The following KLHL29 variants were observed in gnomAD, a reference collection of about 807,000 sequenced individuals.
The protein encoded by KLHL29 is kelch-like protein 29.
Under a neutral mutation model 80.4 loss-of-function variants are expected in KLHL29, and 21 were observed. The observed-to-expected ratio is 0.26, with a 90% CI of 0.19 to 0.38. The LOEUF (loss-of-function observed/expected upper bound fraction) is 0.38. KLHL29 is among the 10% of genes least tolerant of loss of function. The pLI is 1.00. For synonymous variants in KLHL29, 511 were observed against 526.8 expected (o/e 0.97, Z 0.41); for missense variants, 867 against 1,223.9 (o/e 0.71, Z 4.35).
chr2:23,517,619 T>C (rs1665978224), intron 2 of KLHL29, among the ~76,000 whole-genome samples: 2 of 6,352 alleles, frequency 3.1e-4, no homozygotes, highest in African/African-American at 3.8e-3. Context: ...TCCCATCTTT[T>C]TAACATGTGC....
chr2:23,648,830 T>C (rs1670009298), intron 5 of KLHL29, among the ~76,000 whole-genome samples: 1 of 152,154 alleles, frequency 6.6e-6, no homozygotes, highest in Admixed American at 6.5e-5. Flanking sequence ...AGAGCCCAGA[T>C]TCTGCAGCAG....
At position 23,708,153 on chromosome 2, in the gene KLHL29, A is replaced by G. The variant is rs1672839915; in HGVS notation, c.*1489A>G. The G allele has an allele frequency of 6.6e-6, 1 of 152,236 alleles. No homozygotes were observed. The highest frequency in any genetic ancestry group is 2.1e-4 in the South Asian group (1 of 4,834). The allele number at this position is 152,236 out of a possible 1,614,324, so 9.4% of individuals were successfully genotyped here. A position where few individuals can be genotyped will look rare whatever the true frequency, so the allele number is the denominator to read the frequency against. On this transcript the variant is annotated 3_prime_UTR_variant, in exon 14 of 14. Transcript: ENST00000486442. ...ATCGTTCAGTATTTGATGACACAAA[A>G]TTCCAGTTCTAACGTTGGGCATCAA...
intron 1 of KLHL29, among the ~76,000 whole-genome samples, chr2:23,474,091 C>A (rs774631130): frequency 3.4e-4 from 51 of 152,156 alleles, no homozygotes; most frequent in Non-Finnish European, 5.7e-4. Context: ...ATACTACCTT[C>A]CAAAATATGA....
At chr2:23,690,291 A>G (rs1671503264) in intron 6 of KLHL29, 6 of 152,186 alleles carry the variant, frequency 3.9e-5, no homozygotes, top group Admixed American at 3.9e-4. Flanking sequence ...ATCTAGTTCC[A>G]TCCTCTTATT....
intron 1 of KLHL29, among the ~76,000 whole-genome samples, chr2:23,450,707 A>G (rs1572328426): frequency 6.6e-6 from 1 of 152,318 alleles, no homozygotes; most frequent in East Asian, 1.9e-4. Flanking sequence ...ATGTGTTTTA[A>G]CTAAGTTAAT....
intron 5 of KLHL29, among the ~76,000 whole-genome samples, chr2:23,676,640 A>G (rs1323065318): frequency 6.6e-6 from 1 of 152,202 alleles, no homozygotes; most frequent in African/African-American, 2.4e-5. Flanking sequence ...AATAATAACA[A>G]TAATAGGGTG....
At chr2:23,703,619 G>A in intron 12 of KLHL29, 100 bp from the exon 13 acceptor site, 1 of 1,376,354 alleles carries the variant, frequency 7.3e-7, no homozygotes, top group African/African-American at 1.5e-5. Flanking sequence ...CTTGTTGGAA[G>A]TCTTTCGAGC....
chr2:23,688,121 C>G (rs1671358147), intron 6 of KLHL29, among the ~76,000 whole-genome samples: 1 of 152,150 alleles, frequency 6.6e-6, no homozygotes, highest in Non-Finnish European at 1.5e-5. Flanking sequence ...TAACGAGACT[C>G]CCATGTCTCA....
intron 2 of KLHL29, among the ~76,000 whole-genome samples, chr2:23,519,330 T>TC (rs1205206882): frequency 9.7e-6 from 1 of 103,478 alleles, no homozygotes; most frequent in Non-Finnish European, 2.0e-5. Context: ...CGTCCTCCCC[T>TC]CCCCCCCAGG....
rs144240912 is a variant in KLHL29 at position 23,669,682 on chromosome 2, T to A, written c.941-14717T>A. 0.03 allele frequency among the ~76,000 whole-genome samples: 4,530 copies of A among 152,164 alleles called. 78 individuals carry two copies. Among genetic ancestry groups the A allele is most frequent in the South Asian group, 0.066 (318 of 4,824 alleles). On this transcript the variant is annotated intron_variant, in intron 5 of 13. Transcript: ENST00000486442. This position sits in a 1 kb window ranked among gnomAD's most constrained non-coding sequence, Gnocchi z 4.3. ...TGTTCACGTAGGGGATGGTCCCCCCTCTGTGTGGCTGCCCTGCCACCCCCA... is the reference window on the plus strand; with the variant it reads ...TGTTCACGTAGGGGATGGTCCCCCCACTGTGTGGCTGCCCTGCCACCCCCA...
intron 5 of KLHL29, among the ~76,000 whole-genome samples, chr2:23,660,250 A>T (rs4665626): frequency 0.8 from 121,281 of 152,196 alleles, 51,573 homozygotes; most frequent in East Asian, 0.99. Flanking sequence ...GAAAGACAGT[A>T]TGCTGACATC....
chr2:23,598,916 G>A (rs538361020), intron 3 of KLHL29, among the ~76,000 whole-genome samples: 1 of 152,382 alleles, frequency 6.6e-6, no homozygotes, highest in Admixed American at 6.5e-5. Context: ...TGGGGGTAGA[G>A]CAGTGTGGGC....
rs560010510 is a variant in KLHL29 at position 23,524,316 on chromosome 2, C to T, written c.-45-37836C>T. Reference sequence around the variant, plus strand: ...ACAGAAGCACAGGCGCCTGCTGGGCCGGCCTTGGCTCGGAGGGGCTCAGGA... The same window carrying T: ...ACAGAAGCACAGGCGCCTGCTGGGCTGGCCTTGGCTCGGAGGGGCTCAGGA... On this transcript the variant is annotated intron_variant, in intron 2 of 13. Transcript: ENST00000486442. 604 of 197,042 alleles carry T rather than the reference C, an allele frequency of 3.1e-3. 1 individual carries two copies. The highest frequency in any genetic ancestry group is 5.7e-3 in the Admixed American group (109 of 18,970). 12.2% of individuals were successfully genotyped at this position (197,042 alleles called of 1,614,324 possible).
intron 2 of KLHL29, among the ~76,000 whole-genome samples, chr2:23,477,163 C>T (rs1011301003): frequency 5.3e-5 from 8 of 152,246 alleles, no homozygotes; most frequent in African/African-American, 1.7e-4. Context: ...ATAGCAGCCC[C>T]GGGACTGCTG....
intron 4 of KLHL29, among the ~76,000 whole-genome samples, chr2:23,640,875 G>A (rs1669750255): frequency 6.6e-6 from 1 of 152,158 alleles, no homozygotes; most frequent in South Asian, 2.1e-4. Context: ...CCAGCTGGTG[G>A]CTCTCCCTTG....
At chr2:23,502,864 C>T (rs527818982) in intron 2 of KLHL29, among the ~76,000 whole-genome samples, 2 of 152,352 alleles carry the variant, frequency 1.3e-5, no homozygotes, top group South Asian at 2.1e-4. Flanking sequence ...GTCCAAGCCC[C>T]TTCTAGGTCT....
At chr2:23,420,813 G>A (rs1312522525) in intron 1 of KLHL29, among the ~76,000 whole-genome samples, 1 of 152,094 alleles carries the variant, frequency 6.6e-6, no homozygotes, top group Non-Finnish European at 1.5e-5. Context: ...CCTCTGGGTG[G>A]GGCAGTCACT....
intron 3 of KLHL29, among the ~76,000 whole-genome samples, chr2:23,634,574 C>A (rs577843): frequency 0.28 from 42,382 of 151,896 alleles, 6,266 homozygotes; most frequent in South Asian, 0.35. Context: ...GGAGACTCCC[C>A]CAGGTTCCCC....
At chr2:23,533,932 G>GT (rs1454833942) in intron 2 of KLHL29, among the ~76,000 whole-genome samples, 6 of 122,404 alleles carry the variant, frequency 4.9e-5, no homozygotes, top group Non-Finnish European at 9.7e-5. Context: ...TATGGTGTCT[G>GT]TTGTTTTTTT....
Sources: gnomAD v4.1 joint callset for allele counts (sites outside exome capture counted in the v4.1 genomes callset) on GRCh38, gnomAD v4.1.1 for gene constraint, Gnocchi (gnomAD v3.1) non-coding constraint, MANE v1.5 for transcripts, NCBI Gene and HGNC (gene_info 2026-07-23, HGNC 2026-07-21) for gene names.